MAPRE2: variants seen among roughly 807,000 people sequenced by gnomAD.
MAPRE2 encodes microtubule-associated protein RP/EB family member 2.
Under a neutral mutation model 43.2 loss-of-function variants are expected in MAPRE2, and 13 were observed. That is an observed-to-expected ratio of 0.30 (90% CI 0.20 to 0.48). The LOEUF is 0.48. Ranked by LOEUF, MAPRE2 falls within the 20% of genes least tolerant of loss-of-function variation. MAPRE2 has a pLI of 0.99. For missense variants in MAPRE2, 161 were observed against 400.2 expected (o/e 0.40, Z 5.10); for synonymous variants, 135 against 148.8 (o/e 0.91, Z 0.68).
chr18:35,064,044 G>A (rs912315957), intron 1 of MAPRE2, among the ~76,000 whole-genome samples: 1 of 108,304 alleles, frequency 9.2e-6, no homozygotes, highest in Admixed American at 1.1e-4. Flanking sequence ...TCTGGCCAAC[G>A]TGATGGTTCA....
At chr18:35,122,725 C>T (rs1240299758) in intron 4 of MAPRE2, among the ~76,000 whole-genome samples, 2 of 152,206 alleles carry the variant, frequency 1.3e-5, no homozygotes, top group African/African-American at 2.4e-5. Flanking sequence ...ATCGCCTGCA[C>T]CTCTCTCATC....
chr18:35,065,935 C>CT (rs1906819577), intron 1 of MAPRE2, among the ~76,000 whole-genome samples: 1 of 152,230 alleles, frequency 6.6e-6, no homozygotes, highest in African/African-American at 2.4e-5. Context: ...AGCGCTTTGA[C>CT]TTTCTCCTTT....
chr18:34,989,118 G>A (rs2097022474), intron 1 of MAPRE2, among the ~76,000 whole-genome samples: 1 of 152,076 alleles, frequency 6.6e-6, no homozygotes, highest in African/African-American at 2.4e-5. Flanking sequence ...GTTCATTAGT[G>A]AGAGCCCAAA....
At chr18:35,064,401 C>A (rs1216589581) in intron 1 of MAPRE2, among the ~76,000 whole-genome samples, 1 of 152,040 alleles carries the variant, frequency 6.6e-6, no homozygotes, top group Non-Finnish European at 1.5e-5. Context: ...TGAGGACAGG[C>A]AGCCCCCTCC....
At chr18:35,129,369 G>A (rs1410400758) in intron 5 of MAPRE2, among the ~76,000 whole-genome samples, 1 of 152,140 alleles carries the variant, frequency 6.6e-6, no homozygotes, top group Non-Finnish European at 1.5e-5. Flanking sequence ...GAGGCTGAGG[G>A]GAGACCCTGA....
chr18:35,047,574 C>G (rs1488968588), intron 1 of MAPRE2, among the ~76,000 whole-genome samples: 1 of 152,056 alleles, frequency 6.6e-6, no homozygotes, highest in Non-Finnish European at 1.5e-5. Context: ...TAGCATAAAT[C>G]AAAGAAATTT....
chr18:34,984,987 AT>A (rs2097018598), intron 1 of MAPRE2, among the ~76,000 whole-genome samples: 1 of 78,620 alleles, frequency 1.3e-5, no homozygotes, highest in African/African-American at 5.0e-5. Context: ...AAAATATATT[AT>A]ATATAAAATA....
At chr18:35,049,701 T>A (rs889722278) in intron 1 of MAPRE2, among the ~76,000 whole-genome samples, 2 of 152,182 alleles carry the variant, frequency 1.3e-5, no homozygotes, top group African/African-American at 4.8e-5. Flanking sequence ...TCAGAAGTCT[T>A]CCTGATACTT....
chr18:35,014,028 C>T (rs773129323), intron 2 of MAPRE2, among the ~76,000 whole-genome samples: 49 of 151,558 alleles, frequency 3.2e-4, no homozygotes, highest in Non-Finnish European at 5.7e-4. Context: ...TTAAATATAC[C>T]AGGGCTTTGA....
chr18:35,072,067 A>G (rs981939689), intron 2 of MAPRE2, among the ~76,000 whole-genome samples: 2 of 152,218 alleles, frequency 1.3e-5, no homozygotes, highest in African/African-American at 4.8e-5. Context: ...TTTCAGAAAC[A>G]ACTTGTATTG....
At chr18:34,995,031 A>T (rs562391228) in intron 1 of MAPRE2, among the ~76,000 whole-genome samples, 1 of 152,196 alleles carries the variant, frequency 6.6e-6, no homozygotes, top group Non-Finnish European at 1.5e-5. Flanking sequence ...CCATAGAAAC[A>T]TGCATTGGGT....
intron 6 of MAPRE2, among the ~76,000 whole-genome samples, 182 bp downstream of exon 6, chr18:35,132,372 T>C (rs893518076): frequency 2.6e-5 from 4 of 152,236 alleles, no homozygotes; most frequent in Non-Finnish European, 5.9e-5. Flanking sequence ...GACCCATGCC[T>C]GTGGGACAGG....
intron 2 of MAPRE2, among the ~76,000 whole-genome samples, chr18:35,031,050 C>A (rs150473042): frequency 6.6e-6 from 1 of 152,200 alleles, no homozygotes; most frequent in Non-Finnish European, 1.5e-5. Context: ...AATTACAACA[C>A]CCTTCCTCTG....
At chr18:35,095,369 C>T (rs1207614782) in intron 2 of MAPRE2, among the ~76,000 whole-genome samples, 1 of 130,382 alleles carries the variant, frequency 7.7e-6, no homozygotes, top group African/African-American at 3.5e-5. Flanking sequence ...AAAATACACA[C>T]ACACACACAC....
chr18:35,004,779 A>G (rs569175939), intron 1 of MAPRE2, among the ~76,000 whole-genome samples: 75 of 152,184 alleles, frequency 4.9e-4, no homozygotes, highest in African/African-American at 1.8e-3. Flanking sequence ...TTAGCCGGGC[A>G]TGGTGGCGGG....
At chr18:35,008,829 A>G (rs1261004558) in intron 2 of MAPRE2, among the ~76,000 whole-genome samples, 2 of 152,198 alleles carry the variant, frequency 1.3e-5, no homozygotes, top group African/African-American at 4.8e-5. Context: ...GGAATAATTT[A>G]CAAACATTTA....
chr18:35,043,822 T>A (rs903246822), intron 1 of MAPRE2, among the ~76,000 whole-genome samples: 2 of 152,330 alleles, frequency 1.3e-5, no homozygotes, highest in Admixed American at 6.5e-5. Flanking sequence ...GTTTTTCTTC[T>A]TCTGTTTTTC....
At chr18:35,085,147 A>C (rs1435246932) in intron 2 of MAPRE2, among the ~76,000 whole-genome samples, 1 of 152,118 alleles carries the variant, frequency 6.6e-6, no homozygotes, top group Non-Finnish European at 1.5e-5. Context: ...TTGCCATTAA[A>C]CTCCTTACAG....
intron 4 of MAPRE2, among the ~76,000 whole-genome samples, chr18:35,124,123 T>A (rs187896467): frequency 1.3e-5 from 2 of 152,204 alleles, no homozygotes; most frequent in East Asian, 3.9e-4. Context: ...CAGGATAATT[T>A]ATAAAGAAAA....
Sources: allele counts gnomAD v4.1 joint callset (sites outside exome capture counted in the v4.1 genomes callset), GRCh38; gene constraint gnomAD v4.1.1; transcripts MANE v1.5; gene names NCBI Gene and HGNC (gene_info 2026-07-23, HGNC 2026-07-21).